ITGA9: variants seen among roughly 807,000 people sequenced by gnomAD.
The protein encoded by ITGA9 is integrin subunit alpha 9.
In ITGA9, 56 loss-of-function variants were observed where a neutral mutation model predicts 127.8. The ratio of observed to expected loss-of-function variants is 0.44; its 90% CI spans 0.35 to 0.55. ITGA9 has a LOEUF of 0.55. Among genes scored for constraint, ITGA9 ranks in the 20% least tolerant of loss-of-function variants. The probability of loss-of-function intolerance (pLI) is 0.00; values close to 1 mark genes in which losing one functional copy is unlikely to be tolerated. For synonymous variants in ITGA9, 508 were observed against 514.5 expected (o/e 0.99, Z 0.17); for missense variants, 1,196 against 1,347.1 (o/e 0.89, Z 1.76).
intron 15 of ITGA9, among the ~76,000 whole-genome samples, chr3:37,603,404 A>G (rs918804630): frequency 1.3e-5 from 2 of 152,210 alleles, no homozygotes; most frequent in Admixed American, 6.5e-5. Context: ...TGTGTATGTT[A>G]TATGCAAATT....
chr3:37,557,148 A>T (rs1699439059), intron 15 of ITGA9, among the ~76,000 whole-genome samples: 2 of 152,146 alleles, frequency 1.3e-5, no homozygotes, highest in African/African-American at 4.8e-5. Flanking sequence ...AGCTCTTATT[A>T]AGCAGAAAAT....
intron 17 of ITGA9, among the ~76,000 whole-genome samples, chr3:37,664,905 T>TC (rs908260137): frequency 6.6e-6 from 1 of 151,868 alleles, no homozygotes; most frequent in Non-Finnish European, 1.5e-5. Flanking sequence ...GTAATTTTTT[T>TC]CCCCTTCATT....
chr3:37,641,128 C>T (rs1700329112), intron 16 of ITGA9, among the ~76,000 whole-genome samples: 1 of 152,172 alleles, frequency 6.6e-6, no homozygotes, highest in South Asian at 2.1e-4. Flanking sequence ...CAGGAGTCCC[C>T]AACTCCTGGA....
At chr3:37,501,597 T>C (rs916463294) in intron 5 of ITGA9, among the ~76,000 whole-genome samples, 4 of 152,180 alleles carry the variant, frequency 2.6e-5, no homozygotes, top group South Asian at 2.1e-4. Flanking sequence ...TCCTCCTCTT[T>C]ACTCCAGGTA....
At chr3:37,804,376 C>T (rs752138172) in intron 27 of ITGA9, among the ~76,000 whole-genome samples, 7 of 152,206 alleles carry the variant, frequency 4.6e-5, no homozygotes, top group Non-Finnish European at 8.8e-5. Context: ...CTGAGATGGG[C>T]TACAGTCCAG....
At chr3:37,454,202 A>G (rs972534127) in intron 1 of ITGA9, among the ~76,000 whole-genome samples, 1 of 152,228 alleles carries the variant, frequency 6.6e-6, no homozygotes, top group Admixed American at 6.5e-5. Context: ...GGCTGGCTCA[A>G]CTGCCTTGGA....
chr3:37,655,237 A>G (rs1700466194), intron 17 of ITGA9, among the ~76,000 whole-genome samples: 1 of 152,196 alleles, frequency 6.6e-6, no homozygotes, highest in Non-Finnish European at 1.5e-5. Context: ...GTCAAATGGT[A>G]TTTCTGGTTC....
At chr3:37,664,893 G>A (rs917730119) in intron 17 of ITGA9, among the ~76,000 whole-genome samples, 1 of 151,700 alleles carries the variant, frequency 6.6e-6, no homozygotes, top group African/African-American at 2.4e-5. Context: ...AACATTAGCC[G>A]TGTAATTTTT....
Position 37,819,347 on chromosome 3 carries a change from C to A in ITGA9, c.*358C>A. 1 of 215,732 alleles carries A rather than the reference C, an allele frequency of 4.6e-6. No homozygotes were observed. Among genetic ancestry groups the A allele is most frequent in the Non-Finnish European group, 9.4e-6 (1 of 106,582 alleles). The allele number at this position is 215,732 out of a possible 1,614,324, so 13.4% of individuals were successfully genotyped here. On this transcript the variant is annotated 3_prime_UTR_variant, in exon 28 of 28. Coordinates refer to ENST00000264741, the MANE Select transcript of ITGA9 (RefSeq NM_002207.3). ...CTGATTATGTCTTTTATATTTGTAT[C>A]GATGTTTTATTATTTCTATTAAATA...
chr3:37,526,914 T>C (rs1699098965), intron 13 of ITGA9, among the ~76,000 whole-genome samples: 1 of 152,224 alleles, frequency 6.6e-6, no homozygotes, highest in East Asian at 1.9e-4. Context: ...TTGAGTGAGA[T>C]GCCCCATGAG....
At chr3:37,576,605 C>T (rs537069670) in intron 15 of ITGA9, among the ~76,000 whole-genome samples, 1 of 152,222 alleles carries the variant, frequency 6.6e-6, no homozygotes, top group South Asian at 2.1e-4. Context: ...GCATGGAGGT[C>T]TCAACCATAA....
At chr3:37,762,684 C>T (rs1454579521) in intron 23 of ITGA9, among the ~76,000 whole-genome samples, 1 of 152,176 alleles carries the variant, frequency 6.6e-6, no homozygotes, top group Non-Finnish European at 1.5e-5. Flanking sequence ...GTCTGCTGGC[C>T]CAGCAGCAGC....
chr3:37,666,723 C>T (rs139431286), intron 17 of ITGA9, among the ~76,000 whole-genome samples: 3 of 152,124 alleles, frequency 2.0e-5, no homozygotes, highest in Non-Finnish European at 2.9e-5. Context: ...GTCACAGGGT[C>T]GCATGGAAAT....
intron 10 of ITGA9, among the ~76,000 whole-genome samples, chr3:37,518,751 C>G (rs567706907): frequency 1.4e-3 from 149 of 108,988 alleles, no homozygotes; most frequent in African/African-American, 5.0e-3. Context: ...TCTCAGTCAG[C>G]TTCTATAGTT....
intron 18 of ITGA9, among the ~76,000 whole-genome samples, chr3:37,709,879 G>T (rs1299255885): frequency 6.6e-6 from 1 of 152,224 alleles, no homozygotes; most frequent in Non-Finnish European, 1.5e-5. Context: ...GGAAGCAGAG[G>T]CAGGAGAATC....
chr3:37,702,257 C>T (rs1364959454), intron 18 of ITGA9, among the ~76,000 whole-genome samples: 12 of 152,270 alleles, frequency 7.9e-5, no homozygotes, highest in Admixed American at 3.3e-4. Context: ...AGCCCCAGGA[C>T]GGTGCAGCCA....
At position 37,691,038 on chromosome 3, in the gene ITGA9, AT is replaced by A. The variant is rs1170540275; in HGVS notation, c.2067+7026del. Among the ~76,000 whole-genome samples the A allele has an allele frequency of 2.0e-5, 3 of 152,158 alleles. No homozygotes were observed. The East Asian group carries it at 5.8e-4, about 29-fold the overall frequency. Reference sequence around the variant, plus strand: ...TCAAGAATTGAGGTCTCCTGGGGCTATTTATATTCTCCAGTACTCCTGCCCT... The same window carrying A: ...TCAAGAATTGAGGTCTCCTGGGGCTATTATATTCTCCAGTACTCCTGCCCT... On this transcript the variant is annotated intron_variant, in intron 18 of 27. Coordinates refer to ENST00000264741, the MANE Select transcript of ITGA9 (RefSeq NM_002207.3).
intron 18 of ITGA9, among the ~76,000 whole-genome samples, chr3:37,726,317 G>T (rs1339023034): frequency 3.3e-5 from 5 of 152,216 alleles, no homozygotes; most frequent in Non-Finnish European, 7.3e-5. Context: ...AGACACCAGG[G>T]TCATCTTCAG....
intron 18 of ITGA9, among the ~76,000 whole-genome samples, chr3:37,685,660 C>T (rs1428798895): frequency 6.6e-6 from 1 of 152,198 alleles, no homozygotes; most frequent in Non-Finnish European, 1.5e-5. Flanking sequence ...TGGCTCATTA[C>T]ATTACACAGA....
Sources: allele counts gnomAD v4.1 joint callset (sites outside exome capture counted in the v4.1 genomes callset), GRCh38; gene constraint gnomAD v4.1.1; transcripts MANE v1.5; gene names NCBI Gene and HGNC (gene_info 2026-07-23, HGNC 2026-07-21).